FBXO4: variants seen among roughly 807,000 people sequenced by gnomAD.
FBXO4 encodes the protein F-box only protein 4.
In FBXO4, 36 loss-of-function variants were observed where a neutral mutation model predicts 43.7. The ratio of observed to expected loss-of-function variants is 0.82; its 90% CI spans 0.63 to 1.09. FBXO4 has a LOEUF of 1.09. Among genes scored for constraint, FBXO4 ranks in the 50% least tolerant of loss-of-function variants. FBXO4 has a pLI of 0.00. For missense variants in FBXO4, 435 were observed against 474.1 expected (o/e 0.92, Z 0.77); for synonymous variants, 180 against 165.6 (o/e 1.09, Z -0.67).
the FBXO4 span, among the ~76,000 whole-genome samples, chr5:41,957,243 A>T: frequency 1.3e-5 from 2 of 151,874 alleles, no homozygotes; most frequent in Non-Finnish European, 2.9e-5. Flanking sequence ...TACACATATG[A>T]TAACTTATTT....
intron 1 of FBXO4, 75 bp from the exon 2 acceptor site, chr5:41,926,938 T>C (rs927896707): frequency 2.5e-6 from 2 of 791,708 alleles, no homozygotes; most frequent in Non-Finnish European, 4.1e-6. Flanking sequence ...TATTTATTTG[T>C]TGATTATGTG....
At chr5:42,021,949 G>C in the FBXO4 span, among the ~76,000 whole-genome samples, 1 of 152,128 alleles carries the variant, frequency 6.6e-6, no homozygotes, top group Non-Finnish European at 1.5e-5. Flanking sequence ...TTGATGGTGA[G>C]AGCAAGGACA....
At chr5:41,944,726 C>T (rs1196263911), downstream of FBXO4, among the ~76,000 whole-genome samples, 1 of 152,136 alleles carries the variant, frequency 6.6e-6, no homozygotes, top group Non-Finnish European at 1.5e-5. Context: ...TTCAGGATAA[C>T]CAAAACAACA....
downstream of FBXO4, among the ~76,000 whole-genome samples, chr5:41,943,191 A>T (rs1170909028): frequency 1.3e-5 from 2 of 152,146 alleles, no homozygotes; most frequent in African/African-American, 4.8e-5. Flanking sequence ...TATCCAAGTT[A>T]AAAAGAGCTA....
chr5:42,001,461 A>G, the FBXO4 span, among the ~76,000 whole-genome samples: 1 of 152,018 alleles, frequency 6.6e-6, no homozygotes, highest in African/African-American at 2.4e-5. Flanking sequence ...TGAACTCTTG[A>G]CCTGAAGTGA....
At chr5:41,987,293 A>G in the FBXO4 span, among the ~76,000 whole-genome samples, 3 of 152,150 alleles carry the variant, frequency 2.0e-5, no homozygotes, top group African/African-American at 7.2e-5. Context: ...TCCGAACTTG[A>G]CTTCTCAGTT....
the FBXO4 span, among the ~76,000 whole-genome samples, chr5:41,964,126 G>C: frequency 3.9e-5 from 6 of 152,150 alleles, no homozygotes; most frequent in African/African-American, 1.2e-4. Flanking sequence ...CAAATATCTA[G>C]AAAGATGTAA....
intron 6 of FBXO4, 99 bp downstream of exon 6, chr5:41,939,715 T>C (rs1051210305): frequency 1.9e-5 from 19 of 992,440 alleles, no homozygotes; most frequent in Middle Eastern, 6.7e-4. Flanking sequence ...GAAATGGCAT[T>C]CTAAAGTCAA....
chr5:41,997,502 C>G, the FBXO4 span, among the ~76,000 whole-genome samples: 1 of 152,158 alleles, frequency 6.6e-6, no homozygotes, highest in South Asian at 2.1e-4. Flanking sequence ...AGTCAGGGAG[C>G]CAGTGTGGGG....
At chr5:41,985,156 C>CAAATCAGA in the FBXO4 span, among the ~76,000 whole-genome samples, 2 of 152,186 alleles carry the variant, frequency 1.3e-5, no homozygotes, top group Non-Finnish European at 1.5e-5. Flanking sequence ...TTTCTATCGT[C>CAAATCAGA]AAATCAGAGT....
chr5:41,933,597 G>C (rs1751759018), intron 3 of FBXO4, among the ~76,000 whole-genome samples: 1 of 152,096 alleles, frequency 6.6e-6, no homozygotes, highest in South Asian at 2.1e-4. Context: ...TTAGACTAAT[G>C]AGAAACATAA....
chr5:41,963,556 A>G, the FBXO4 span, among the ~76,000 whole-genome samples: 3 of 152,344 alleles, frequency 2.0e-5, no homozygotes, highest in Middle Eastern at 3.4e-3. Flanking sequence ...GTCAATTAAC[A>G]TATATTTTGT....
the FBXO4 span, among the ~76,000 whole-genome samples, chr5:41,994,930 G>C: frequency 2.9e-4 from 44 of 152,176 alleles, 1 homozygote; most frequent in African/African-American, 8.9e-4. Flanking sequence ...TGATTCCTGG[G>C]CCCATGAATC....
the FBXO4 span, among the ~76,000 whole-genome samples, chr5:41,965,131 G>T: frequency 7.9e-5 from 12 of 152,006 alleles, no homozygotes; most frequent in Middle Eastern, 3.2e-3. Context: ...CACCATTTAT[G>T]AAATAGGGAA....
chr5:41,956,712 C>CT, the FBXO4 span, among the ~76,000 whole-genome samples: 8,040 of 126,680 alleles, frequency 0.063, 293 homozygotes, highest in African/African-American at 0.092. Context: ...TTTTCTTCTT[C>CT]TTTTTTTTTT....
chr5:41,942,078 T>C (rs1023053493), downstream of FBXO4, among the ~76,000 whole-genome samples: 1 of 152,152 alleles, frequency 6.6e-6, no homozygotes, highest in Non-Finnish European at 1.5e-5. Flanking sequence ...ATATAGTTTA[T>C]ATAAGTTCCA....
At chr5:41,979,891 C>G in the FBXO4 span, among the ~76,000 whole-genome samples, 3 of 152,126 alleles carry the variant, frequency 2.0e-5, no homozygotes, top group African/African-American at 7.2e-5. Flanking sequence ...GACTTTCTTT[C>G]TGCTTTCAAA....
At position 41,929,677 on chromosome 5, in the gene FBXO4, A is replaced by AT. The variant is rs1751616953; in HGVS notation, c.426-18dup. On this transcript the variant is annotated intron_variant, in intron 2 of 6. Transcript: ENST00000281623. ...GGCTGTTTTCTGTGTTAATGTTCTA[A>AT]TTGTGACAATTTTTTACAGCTATAG... is the stretch of plus-strand genomic sequence containing the variant. 6.4e-7 allele frequency: 1 copy of AT among 1,554,850 alleles called. No individual in the cohort carries two copies. Among genetic ancestry groups the AT allele is most frequent in the Non-Finnish European group, 8.7e-7 (1 of 1,152,126 alleles).
the FBXO4 span, among the ~76,000 whole-genome samples, chr5:41,980,574 T>C: frequency 6.6e-6 from 1 of 152,120 alleles, no homozygotes; most frequent in South Asian, 2.1e-4. Context: ...TTCTTAGGGA[T>C]TGTGATTCCA....
Sources: gnomAD v4.1 joint callset for allele counts (sites outside exome capture counted in the v4.1 genomes callset) on GRCh38, gnomAD v4.1.1 for gene constraint, MANE v1.5 for transcripts, NCBI Gene and HGNC (gene_info 2026-07-23, HGNC 2026-07-21) for gene names.